MCMDC2: variants seen among roughly 807,000 people sequenced by gnomAD.
MCMDC2 encodes the protein minichromosome maintenance domain-containing protein 2.
A neutral mutation model predicts 75.8 loss-of-function variants in MCMDC2; 54 were observed. The ratio of observed to expected loss-of-function variants is 0.71; its 90% CI spans 0.57 to 0.89. The LOEUF (loss-of-function observed/expected upper bound fraction) is 0.89. Among genes scored for constraint, MCMDC2 ranks in the 40% least tolerant of loss-of-function variants. MCMDC2 has a pLI of 0.00. For missense variants in MCMDC2, 656 were observed against 780.4 expected (o/e 0.84, Z 1.90); for synonymous variants, 249 against 274.6 (o/e 0.91, Z 0.92).
At chr8:66,911,588 C>G (rs1813123290) in intron 14 of MCMDC2, among the ~76,000 whole-genome samples, 1 of 150,888 alleles carries the variant, frequency 6.6e-6, no homozygotes, top group Non-Finnish European at 1.5e-5. Context: ...CTTTGGGGGT[C>G]CGAGGCAGGC....
At chr8:66,877,294 A>G in intron 4 of MCMDC2, 55 bp from the exon 5 acceptor site, 1 of 1,142,824 alleles carries the variant, frequency 8.8e-7, no homozygotes, top group Non-Finnish European at 1.3e-6. Context: ...ATATTGTAAT[A>G]CAAGTCAAAT....
At chr8:66,913,444 A>G (rs574729422) in intron 14 of MCMDC2, among the ~76,000 whole-genome samples, 1 of 152,334 alleles carries the variant, frequency 6.6e-6, no homozygotes, top group South Asian at 2.1e-4. Flanking sequence ...GTTAATTATA[A>G]TTTGAGGATT....
At chr8:66,880,779 T>C (rs751192637) in intron 7 of MCMDC2, 70 bp from the exon 8 acceptor site, 74 of 1,344,056 alleles carry the variant, frequency 5.5e-5, no homozygotes, top group Non-Finnish European at 7.1e-5. Context: ...TTCTGGATCT[T>C]TGAACCATAT....
intron 10 of MCMDC2, among the ~76,000 whole-genome samples, chr8:66,895,403 T>C (rs1382090948): frequency 1.3e-5 from 2 of 149,252 alleles, no homozygotes; most frequent in Non-Finnish European, 1.5e-5. Context: ...TTTCTTTCTT[T>C]TTTTTTTTTT....
chr8:66,912,624 T>C (rs1377914282), intron 14 of MCMDC2, among the ~76,000 whole-genome samples: 1 of 152,226 alleles, frequency 6.6e-6, no homozygotes, highest in African/African-American at 2.4e-5. Context: ...AATGAGTTCA[T>C]GTACTTTGCA....
At chr8:66,879,106 A>AT (rs1210486792) in intron 7 of MCMDC2, among the ~76,000 whole-genome samples, 187 bp downstream of exon 7, 15 of 152,092 alleles carry the variant, frequency 9.9e-5, no homozygotes, top group Non-Finnish European at 1.8e-4. Flanking sequence ...AAATTAAAAA[A>AT]TAAAAAATTA....
chr8:66,884,381 A>T (rs1811734959), intron 9 of MCMDC2: 1 of 193,560 alleles, frequency 5.2e-6, no homozygotes. Flanking sequence ...GCATCCAGAT[A>T]AGGCTGTCAG....
intron 8 of MCMDC2, among the ~76,000 whole-genome samples, chr8:66,882,353 CTTTTCTTTTT>C (rs1811621759): frequency 1.3e-5 from 2 of 151,910 alleles, no homozygotes; most frequent in Admixed American, 6.6e-5. Flanking sequence ...GATGAAGTTT[CTTTTCTTTTT>C]TTTTCTTTTT....
At chr8:66,912,318 C>T (rs186935011) in intron 14 of MCMDC2, among the ~76,000 whole-genome samples, 6 of 152,256 alleles carry the variant, frequency 3.9e-5, no homozygotes, top group East Asian at 1.9e-4. Flanking sequence ...CAAACATGAA[C>T]GGATGAGAAG....
intron 1 of MCMDC2, among the ~76,000 whole-genome samples, chr8:66,872,511 A>G (rs560921887): frequency 6.6e-5 from 10 of 152,292 alleles, no homozygotes; most frequent in South Asian, 2.1e-4. Context: ...TCATATTTCT[A>G]TTACAGCACT....
At chr8:66,913,644 C>T (rs1200230604) in intron 14 of MCMDC2, among the ~76,000 whole-genome samples, 1 of 152,128 alleles carries the variant, frequency 6.6e-6, no homozygotes, top group Non-Finnish European at 1.5e-5. Flanking sequence ...GTAGAACTTA[C>T]AGCCTAGTGA....
intron 14 of MCMDC2, among the ~76,000 whole-genome samples, chr8:66,906,480 A>G (rs961351875): frequency 6.6e-6 from 1 of 152,198 alleles, no homozygotes; most frequent in Non-Finnish European, 1.5e-5. Context: ...TCTAGGATCC[A>G]TAGATGCTTG....
Position 66,921,457 on chromosome 8 carries a change from A to G in MCMDC2, c.*2288A>G, listed in dbSNP as rs1426592531. The G allele has an allele frequency of 6.6e-6, 1 of 152,216 alleles. No individual in the cohort carries two copies. Among genetic ancestry groups the G allele is most frequent in the African/African-American group, 2.4e-5 (1 of 41,452 alleles). 9.4% of individuals were successfully genotyped at this position (152,216 alleles called of 1,614,324 possible). A position where few individuals can be genotyped will look rare whatever the true frequency, so the allele number is the denominator to read the frequency against. ...ATCATATAAAAATTATAACCTTGGT[A>G]AAAGGAATTTATAAGCTAGTACTCA... is the stretch of plus-strand genomic sequence containing the variant. On this transcript the variant is annotated 3_prime_UTR_variant, in exon 15 of 15. Coordinates refer to ENST00000422365, the MANE Select transcript of MCMDC2 (RefSeq NM_173518.5).
In MCMDC2 at chr8:66,878,711, T is replaced by C. The variant is rs373070255; in HGVS notation, c.604+15T>C. ...AGTACTTGGTGGTAATATGCATTTA[T>C]ATTTTGTAATTATAATTTTTAAAAT... On this transcript the variant is annotated intron_variant, in intron 6 of 14. Transcript: ENST00000422365. 5 of 1,537,914 alleles carry C rather than the reference T, an allele frequency of 3.3e-6. No homozygotes were observed. The highest frequency in any genetic ancestry group is 4.4e-6 in the Non-Finnish European group (5 of 1,140,132).
chr8:66,878,200 T>C (rs1164225183), intron 5 of MCMDC2, among the ~76,000 whole-genome samples: 1 of 152,142 alleles, frequency 6.6e-6, no homozygotes, highest in African/African-American at 2.4e-5. Context: ...CCACCTCTAA[T>C]TGGGTTGATT....
At chr8:66,878,071 G>A (rs1027988491) in intron 5 of MCMDC2, among the ~76,000 whole-genome samples, 1 of 151,698 alleles carries the variant, frequency 6.6e-6, no homozygotes, top group African/African-American at 2.4e-5. Flanking sequence ...TATTGCTGAA[G>A]TACTTGCTCT....
chr8:66,913,425 T>A (rs1196741546), intron 14 of MCMDC2, among the ~76,000 whole-genome samples: 2 of 152,248 alleles, frequency 1.3e-5, no homozygotes, highest in Non-Finnish European at 2.9e-5. Flanking sequence ...ACTGTAAAGG[T>A]AATTTGAGGT....
chr8:66,923,150 A>G (rs1196676280), downstream of MCMDC2, among the ~76,000 whole-genome samples: 1 of 152,200 alleles, frequency 6.6e-6, no homozygotes, highest in African/African-American at 2.4e-5. Flanking sequence ...GACAAGGATG[A>G]GCTATGAGCC....
At position 66,890,920 on chromosome 8, in the gene MCMDC2, A is replaced by G. The variant is rs898803672; in HGVS notation, c.1129A>G (p.Thr377Ala). Residue 377 changes from threonine to alanine, a missense_variant, in exon 10 of 15, where the codon ACT becomes GCT. Thr to Ala is a moderately conservative substitution (Grantham distance 58). Coordinates refer to ENST00000422365, the MANE Select transcript of MCMDC2 (RefSeq NM_173518.5). ...CCGTGGTATACGTCATCTAGTCTCT[A>G]CTGAAATTTTTCCCACTCTATCCAG... ...VPRGIRHLVS[T>A]EIFPTLSRNK... 6 of 1,613,646 alleles carry G rather than the reference A, an allele frequency of 3.7e-6. No homozygotes were observed. The African/African-American group carries it at 5.3e-5, about 14-fold the overall frequency.
Sources: gnomAD v4.1 joint callset for allele counts (sites outside exome capture counted in the v4.1 genomes callset) on GRCh38, gnomAD v4.1.1 for gene constraint, MANE v1.5 for transcripts, NCBI Gene and HGNC (gene_info 2026-07-23, HGNC 2026-07-21) for gene names.